The following KIFAP3 variants were observed in gnomAD, a reference collection of about 807,000 sequenced individuals.
KIFAP3 encodes the protein kinesin associated protein 3, also known as kinesin-associated protein 3.
A neutral mutation model predicts 106.5 loss-of-function variants in KIFAP3; 68 were observed. That is an observed-to-expected ratio of 0.64 (90% confidence interval 0.53 to 0.78). The LOEUF is 0.78. Among genes scored for constraint, KIFAP3 ranks in the 30% least tolerant of loss-of-function variants. KIFAP3 has a pLI of 0.00. For missense variants in KIFAP3, 780 were observed against 941.8 expected (o/e 0.83, Z 2.25); for synonymous variants, 320 against 311.5 (o/e 1.03, Z -0.29).
intron 16 of KIFAP3, among the ~76,000 whole-genome samples, chr1:169,973,837 T>C (rs972801010): frequency 6.6e-6 from 1 of 151,822 alleles, no homozygotes; most frequent in Non-Finnish European, 1.5e-5. Context: ...ATATACTTGA[T>C]TATGAAAGAA....
intron 11 of KIFAP3, among the ~76,000 whole-genome samples, chr1:169,988,159 C>T (rs745512331): frequency 2.0e-4 from 31 of 151,936 alleles, no homozygotes; most frequent in Non-Finnish European, 1.2e-4. Context: ...TATAATCACC[C>T]ACTCCGGATG....
chr1:170,074,664 C>G lies in KIFAP3; in HGVS notation c.-197G>C. ...CCCACAGCTTCTGTGCCCCAAAACA[C>G]TGGAGCGGCCCAGACCCGCCCAGAG... is the stretch of plus-strand genomic sequence containing the variant. On this transcript the variant is annotated 5_prime_UTR_variant, in exon 1 of 20. Transcript: ENST00000361580. 2 of 1,450,632 alleles carry G rather than the reference C, an allele frequency of 1.4e-6. No homozygotes were observed. Among genetic ancestry groups the G allele is most frequent in the East Asian group, 2.5e-5 (1 of 39,540 alleles). The allele number at this position is 1,450,632 out of a possible 1,614,324, so 89.9% of individuals were successfully genotyped here. A position where few individuals can be genotyped will look rare whatever the true frequency, so the allele number is the denominator to read the frequency against.
At chr1:170,073,463 T>C (rs749926629) in intron 1 of KIFAP3, among the ~76,000 whole-genome samples, 2 of 152,226 alleles carry the variant, frequency 1.3e-5, no homozygotes, top group Non-Finnish European at 2.9e-5. Flanking sequence ...AGAATAAAAA[T>C]ATTCACTGCA....
At chr1:169,945,746 C>G (rs981494937) in intron 19 of KIFAP3, among the ~76,000 whole-genome samples, 2 of 152,108 alleles carry the variant, frequency 1.3e-5, no homozygotes, top group Non-Finnish European at 2.9e-5. Context: ...TTTTTCAACT[C>G]AGGACTATAA....
intron 17 of KIFAP3, among the ~76,000 whole-genome samples, chr1:169,963,963 AATT>A (rs1665471923): frequency 6.6e-6 from 1 of 152,184 alleles, no homozygotes; most frequent in Non-Finnish European, 1.5e-5. Context: ...GAAGATATTA[AATT>A]ATTTTCAGTT....
chr1:169,928,394 G>A (rs1172023626), intron 19 of KIFAP3, among the ~76,000 whole-genome samples: 3 of 152,002 alleles, frequency 2.0e-5, no homozygotes, highest in African/African-American at 4.8e-5. Context: ...CACTGTGCCC[G>A]GACCATCTTT....
At chr1:169,976,573 T>A (rs992908441) in intron 16 of KIFAP3, among the ~76,000 whole-genome samples, 1 of 152,188 alleles carries the variant, frequency 6.6e-6, no homozygotes, top group Non-Finnish European at 1.5e-5. Context: ...ATAAACCATA[T>A]TAAAAATATT....
intron 9 of KIFAP3, among the ~76,000 whole-genome samples, chr1:170,019,686 C>T (rs1381782236): frequency 3.3e-5 from 5 of 152,064 alleles, no homozygotes; most frequent in African/African-American, 1.2e-4. Context: ...GAAGAACTTC[C>T]TTAAACTGAT....
chr1:170,042,934 A>AAAT (rs1670057083), intron 3 of KIFAP3, among the ~76,000 whole-genome samples: 1 of 152,228 alleles, frequency 6.6e-6, no homozygotes, highest in South Asian at 2.1e-4. Flanking sequence ...TAGCCATTAT[A>AAAT]GGTAACAATA....
intron 2 of KIFAP3, among the ~76,000 whole-genome samples, chr1:170,051,444 A>C (rs12128368): frequency 2.0e-5 from 3 of 152,242 alleles, no homozygotes; most frequent in Non-Finnish European, 4.4e-5. Context: ...ATGAGACAGA[A>C]AATTAACAAG....
intron 16 of KIFAP3, among the ~76,000 whole-genome samples, chr1:169,973,664 T>A (rs1020548118): frequency 1.3e-5 from 2 of 151,852 alleles, no homozygotes; most frequent in African/African-American, 4.8e-5. Flanking sequence ...GACTTCTCAT[T>A]GGCAGTCCAA....
chr1:170,059,554 C>A (rs1305721906), intron 1 of KIFAP3, among the ~76,000 whole-genome samples: 3 of 152,050 alleles, frequency 2.0e-5, no homozygotes, highest in African/African-American at 7.2e-5. Flanking sequence ...AGTCCAGGAC[C>A]AGATGGATTC....
At chr1:169,982,383 A>G (rs1206868812) in intron 14 of KIFAP3, among the ~76,000 whole-genome samples, 1 of 152,158 alleles carries the variant, frequency 6.6e-6, no homozygotes, top group Non-Finnish European at 1.5e-5. Flanking sequence ...GAATGCCTCA[A>G]AGACCTTTGT....
intron 2 of KIFAP3, among the ~76,000 whole-genome samples, chr1:170,050,363 T>C (rs61825354): frequency 0.1 from 15,965 of 152,160 alleles, 997 homozygotes; most frequent in Admixed American, 0.18. Flanking sequence ...AAACCTATGA[T>C]TGACTGGTGT....
rs1184192481 is a variant in KIFAP3 at position 169,961,121 on chromosome 1, A to C, written c.2098T>G (p.Tyr700Asp). The change falls in exon 18 of 20, where the codon TAT becomes GAT. Residue 700 changes from tyrosine to aspartate, a missense_variant. Physicochemically the swap from Tyr to Asp is radical, Grantham distance 160. Transcript: ENST00000361580. ...TATGGCTCAATTCGATCATCACCAT[A>C]CAAGTACTGCTCACTCTCATCCATC... Reference protein sequence around the residue: ...RQMDESEQYLYGDDRIEPYIH... With the variant: ...RQMDESEQYLDGDDRIEPYIH... The C allele has an allele frequency of 1.9e-6, 3 of 1,613,786 alleles. No homozygotes were observed. The South Asian group carries it at 3.3e-5, about 18-fold the overall frequency.
chr1:170,070,971 C>G (rs1454301905), intron 1 of KIFAP3, among the ~76,000 whole-genome samples: 2 of 151,976 alleles, frequency 1.3e-5, no homozygotes, highest in Non-Finnish European at 2.9e-5. Context: ...GACAAATGGC[C>G]AAGAAGCACA....
intron 10 of KIFAP3, among the ~76,000 whole-genome samples, chr1:170,011,415 C>T (rs1668236064): frequency 6.6e-6 from 1 of 151,614 alleles, no homozygotes; most frequent in Admixed American, 6.6e-5. Context: ...TACAAAGTGT[C>T]CATTGCAAAT....
chr1:170,017,909 T>G (rs1668606689), intron 9 of KIFAP3, among the ~76,000 whole-genome samples: 1 of 152,212 alleles, frequency 6.6e-6, no homozygotes, highest in South Asian at 2.1e-4. Flanking sequence ...TGTCATTTAA[T>G]TTGAGATGGT....
At chr1:170,059,767 A>G (rs1173771433) in intron 1 of KIFAP3, among the ~76,000 whole-genome samples, 2 of 152,226 alleles carry the variant, frequency 1.3e-5, no homozygotes, top group African/African-American at 4.8e-5. Context: ...AAAATCCTCA[A>G]TAAAATACTG....
Sources: gnomAD v4.1 joint callset for allele counts (sites outside exome capture counted in the v4.1 genomes callset) on GRCh38, gnomAD v4.1.1 for gene constraint, MANE v1.5 for transcripts, NCBI Gene and HGNC (gene_info 2026-07-23, HGNC 2026-07-21) for gene names.